Variants in GHR observed in about 807,000 individuals in gnomAD.
GHR encodes the protein growth hormone receptor.
In GHR, 35 loss-of-function variants were observed where a neutral mutation model predicts 67.1. The ratio of observed to expected loss-of-function variants is 0.52; its 90% CI spans 0.40 to 0.69. The LOEUF (loss-of-function observed/expected upper bound fraction) is 0.69. Among genes scored for constraint, GHR ranks in the 30% least tolerant of loss-of-function variants. The probability of loss-of-function intolerance (pLI) is 0.00; values close to 1 mark genes in which losing one functional copy is unlikely to be tolerated. For synonymous variants in GHR, 272 were observed against 269.1 expected (o/e 1.01, Z -0.10); for missense variants, 792 against 764.6 (o/e 1.04, Z -0.42).
chr5:42,441,471 G>A (rs1029198798), intron 1 of GHR, among the ~76,000 whole-genome samples: 1 of 152,054 alleles, frequency 6.6e-6, no homozygotes, highest in African/African-American at 2.4e-5. Flanking sequence ...GAAACAAAAA[G>A]GATAAGGCTT....
chr5:42,533,862 T>C (rs190665909), intron 1 of GHR, among the ~76,000 whole-genome samples: 79 of 142,502 alleles, frequency 5.5e-4, no homozygotes, highest in African/African-American at 1.9e-3. Context: ...CCAAATTCCA[T>C]TGTATCATTC....
chr5:42,560,832 A>G (rs904326085), intron 1 of GHR, among the ~76,000 whole-genome samples: 1 of 152,154 alleles, frequency 6.6e-6, no homozygotes, highest in Non-Finnish European at 1.5e-5. Context: ...TGTGATAGAC[A>G]TGTCTCTATC....
At chr5:42,446,110 T>C (rs1304670052) in intron 1 of GHR, among the ~76,000 whole-genome samples, 1 of 152,184 alleles carries the variant, frequency 6.6e-6, no homozygotes, top group Admixed American at 6.5e-5. Flanking sequence ...AAGGCCTGCA[T>C]AAGTCAGGGA....
intron 2 of GHR, among the ~76,000 whole-genome samples, chr5:42,596,084 A>G (rs570413231): frequency 3.3e-5 from 5 of 152,350 alleles, no homozygotes; most frequent in Middle Eastern, 3.4e-3. Context: ...GCTTATCCGC[A>G]TATGCAGGTG....
chr5:42,517,754 T>G (rs1165985048), intron 1 of GHR, among the ~76,000 whole-genome samples: 1 of 152,144 alleles, frequency 6.6e-6, no homozygotes, highest in Non-Finnish European at 1.5e-5. Context: ...AGACTTAAAG[T>G]GAAGTTAGGT....
chr5:42,425,460 C>CT (rs1353682353), intron 1 of GHR, among the ~76,000 whole-genome samples: 3 of 152,112 alleles, frequency 2.0e-5, no homozygotes, highest in Non-Finnish European at 4.4e-5. Context: ...CTAGAAGTGT[C>CT]TTTTTTCTGA....
chr5:42,611,939 C>T (rs1752911913), intron 2 of GHR, among the ~76,000 whole-genome samples: 1 of 152,134 alleles, frequency 6.6e-6, no homozygotes, highest in Non-Finnish European at 1.5e-5. Flanking sequence ...ATACTATATA[C>T]TAAATGTGTT....
At chr5:42,573,340 G>A (rs944734889) in intron 2 of GHR, among the ~76,000 whole-genome samples, 2 of 152,074 alleles carry the variant, frequency 1.3e-5, no homozygotes, top group Non-Finnish European at 1.5e-5. Context: ...TCCGGGGGAT[G>A]GAATGATTTC....
At chr5:42,477,841 C>CACTCTGATGGTAGTT (rs1258483207) in intron 1 of GHR, among the ~76,000 whole-genome samples, 1 of 152,114 alleles carries the variant, frequency 6.6e-6, no homozygotes, top group Non-Finnish European at 1.5e-5. Flanking sequence ...GTTGCCTGTT[C>CACTCTGATGGTAGTT]ACTCTGATGG....
At chr5:42,577,776 T>G (rs1227691918) in intron 2 of GHR, among the ~76,000 whole-genome samples, 1 of 152,218 alleles carries the variant, frequency 6.6e-6, no homozygotes, top group African/African-American at 2.4e-5. Flanking sequence ...AAGAGCCTTT[T>G]CTAAATACAA....
At chr5:42,665,859 C>A (rs2112883132) in intron 3 of GHR, among the ~76,000 whole-genome samples, 1 of 152,250 alleles carries the variant, frequency 6.6e-6, no homozygotes, top group South Asian at 2.1e-4. Flanking sequence ...GCATGTCTTG[C>A]ATGGCGGCAG....
chr5:42,654,297 T>C (rs1318356889), intron 3 of GHR, among the ~76,000 whole-genome samples: 1 of 152,122 alleles, frequency 6.6e-6, no homozygotes, highest in African/African-American at 2.4e-5. Context: ...GCATTAAACG[T>C]CTCTATTTAT....
In GHR at chr5:42,424,706, A is replaced by T; in HGVS notation, c.-12+751A>T. ...ACAGAACTGCCAGAGGCTGCGGGTC[A>T]ATGGGGTGGCCGCGTGTCTAGGGAG... On this transcript the variant is annotated intron_variant, in intron 1 of 9. Transcript: ENST00000230882. The surrounding 1 kb of genome is among the most constrained non-coding windows in gnomAD (Gnocchi z 4.1). 2 of 1,124,264 alleles carry T rather than the reference A, an allele frequency of 1.8e-6. No individual in the cohort carries two copies. Among genetic ancestry groups the T allele is most frequent in the Non-Finnish European group, 2.6e-6 (2 of 770,662 alleles). 69.6% of individuals were successfully genotyped at this position (1,124,264 alleles called of 1,614,324 possible). A position where few individuals can be genotyped will look rare whatever the true frequency, so the allele number is the denominator to read the frequency against.
intron 5 of GHR, among the ~76,000 whole-genome samples, chr5:42,698,274 G>T (rs374242429): frequency 2.6e-5 from 4 of 152,120 alleles, no homozygotes; most frequent in African/African-American, 4.8e-5. Context: ...CTGTAATGGT[G>T]GTACCAAATC....
intron 1 of GHR, among the ~76,000 whole-genome samples, chr5:42,525,725 G>T (rs1747678958): frequency 6.6e-6 from 1 of 152,132 alleles, no homozygotes; most frequent in Non-Finnish European, 1.5e-5. Context: ...AGGGACCCAG[G>T]GGGAGGTAAT....
chr5:42,478,276 G>T (rs1052825780), intron 1 of GHR, among the ~76,000 whole-genome samples: 14 of 152,278 alleles, frequency 9.2e-5, no homozygotes, highest in African/African-American at 3.4e-4. Context: ...ATGCTGTTTT[G>T]GTTACTGTAG....
intron 1 of GHR, among the ~76,000 whole-genome samples, chr5:42,507,422 T>G (rs565570795): frequency 6.6e-6 from 1 of 152,368 alleles, no homozygotes; most frequent in African/African-American, 2.4e-5. Context: ...AATGAATGAA[T>G]GAATGATCAC....
In GHR at chr5:42,510,549, G is replaced by A. The variant is rs545201996; in HGVS notation, c.-11-55315G>A. Among the ~76,000 whole-genome samples the A allele has an allele frequency of 3.3e-5, 5 of 152,262 alleles. No homozygotes were observed. The East Asian group carries it at 7.7e-4, about 23-fold the overall frequency. On this transcript the variant is annotated intron_variant, in intron 1 of 9. Coordinates refer to ENST00000230882, the MANE Select transcript of GHR (RefSeq NM_000163.5). ...ATAACAGGTCTTATGGTAAAATTAC[G>A]ATTGGAATAGAACACTCATATCTTA... is the stretch of plus-strand genomic sequence containing the variant.
chr5:42,603,250 A>C (rs1276125619), intron 2 of GHR, among the ~76,000 whole-genome samples: 8 of 152,094 alleles, frequency 5.3e-5, no homozygotes, highest in Non-Finnish European at 8.8e-5. Flanking sequence ...TTTCATTATA[A>C]GTAGCAAGTC....
Sources: allele counts gnomAD v4.1 joint callset (sites outside exome capture counted in the v4.1 genomes callset), GRCh38; gene constraint gnomAD v4.1.1; non-coding constraint Gnocchi (gnomAD v3.1); transcripts MANE v1.5; gene names NCBI Gene and HGNC (gene_info 2026-07-23, HGNC 2026-07-21).